Variants in ZDHHC14 observed in about 807,000 individuals in gnomAD.
The protein encoded by ZDHHC14 is palmitoyltransferase ZDHHC14.
A neutral mutation model predicts 47.7 loss-of-function variants in ZDHHC14; 16 were observed. The observed-to-expected ratio is 0.34, with a 90% confidence interval of 0.23 to 0.51. ZDHHC14 has a LOEUF of 0.51. Ranked by LOEUF, ZDHHC14 falls within the 20% of genes least tolerant of loss-of-function variation. The probability of loss-of-function intolerance (pLI) is 0.97; values close to 1 mark genes in which losing one functional copy is unlikely to be tolerated. For synonymous variants in ZDHHC14, 293 were observed against 278.9 expected, an observed-to-expected ratio of 1.05 and a Z score of -0.50; for missense variants, 515 against 662.5, an observed-to-expected ratio of 0.78 and a Z score of 2.44.
chr6:157,413,374 G>A (rs1392286884), intron 1 of ZDHHC14, among the ~76,000 whole-genome samples: 2 of 152,108 alleles, frequency 1.3e-5, no homozygotes, highest in South Asian at 2.1e-4. Context: ...AGCTGTTCTC[G>A]TCTCCTCGCC....
chr6:157,532,323 T>C (rs1255808694), intron 1 of ZDHHC14, among the ~76,000 whole-genome samples: 3 of 152,262 alleles, frequency 2.0e-5, no homozygotes, highest in Non-Finnish European at 4.4e-5. Context: ...AGCAATTCAT[T>C]GCCAAACAGT....
intron 1 of ZDHHC14, among the ~76,000 whole-genome samples, chr6:157,512,850 A>G (rs1780543154): frequency 6.6e-6 from 1 of 152,228 alleles, no homozygotes; most frequent in African/African-American, 2.4e-5. Context: ...TCATTATTTG[A>G]GAAATTATTT....
chr6:157,673,031 A>G lies in ZDHHC14; in HGVS notation c.1376A>G (p.His459Arg). ...RLLAAGSPLAHSRTMHVLGLA... is the reference protein window; with the variant it reads ...RLLAAGSPLARSRTMHVLGLA... ...CTGGCGGCGGGCAGCCCCCTGGCGC[A>G]CAGCCGCACCATGCACGTGCTGGGC... Residue 459 changes from histidine (H) to arginine (R), a missense_variant, in exon 9 of 9, where the codon CAC becomes CGC. Around this residue, in one of 4 missense-constraint regions of ZDHHC14, gnomAD observed 221 missense variants for 233.6 expected, o/e 0.95. Transcript: ENST00000359775. The surrounding 1 kb of genome is among the most constrained non-coding windows in gnomAD (Gnocchi z 5.4). 1 of 1,565,168 alleles carries G rather than the reference A, an allele frequency of 6.4e-7. No individual in the cohort carries two copies.
intron 2 of ZDHHC14, among the ~76,000 whole-genome samples, chr6:157,545,804 C>G (rs1237979389): frequency 6.6e-6 from 1 of 152,106 alleles, no homozygotes; most frequent in Non-Finnish European, 1.5e-5. Flanking sequence ...CCTGGCTCAC[C>G]CTTTCTCTAG....
chr6:157,390,372 A>G (rs2114734450), intron 1 of ZDHHC14, among the ~76,000 whole-genome samples: 2 of 152,196 alleles, frequency 1.3e-5, no homozygotes, highest in South Asian at 4.1e-4. Context: ...ATGCCTATGT[A>G]TGGTTTTCTT....
chr6:157,507,358 A>G (rs1216887305), intron 1 of ZDHHC14, among the ~76,000 whole-genome samples: 1 of 149,588 alleles, frequency 6.7e-6, no homozygotes, highest in Non-Finnish European at 1.5e-5. Context: ...ATCTTGGCTC[A>G]CTACAACCTC....
intron 2 of ZDHHC14, among the ~76,000 whole-genome samples, chr6:157,550,773 C>T (rs1782198465): frequency 6.6e-6 from 1 of 152,234 alleles, no homozygotes; most frequent in African/African-American, 2.4e-5. Flanking sequence ...ATACCACTTC[C>T]TTTCAGGTAA....
rs549397604 is a variant in ZDHHC14, at chr6:157,652,830, T to TG, written c.966-689dup. On this transcript the variant is annotated intron_variant, in intron 7 of 8. Coordinates refer to ENST00000359775, the MANE Select transcript of ZDHHC14 (RefSeq NM_024630.3). ...GTGCCAGGCACAGGGCCAGGTACCA[T>TG]GGGGGGCCACAAGATGAAGACTCTG... 2.2e-4 allele frequency among the ~76,000 whole-genome samples: 34 copies of TG among 152,178 alleles called. 1 individual carries two copies. The East Asian group carries it at 5.2e-3, about 23-fold the overall frequency.
chr6:157,456,874 G>A (rs538655995), intron 1 of ZDHHC14, among the ~76,000 whole-genome samples: 2 of 152,168 alleles, frequency 1.3e-5, no homozygotes, highest in African/African-American at 2.4e-5. Context: ...TGGGCCGGGC[G>A]TGGTGGCTCA....
intron 1 of ZDHHC14, among the ~76,000 whole-genome samples, chr6:157,535,053 CT>C (rs1296343029): frequency 6.6e-6 from 1 of 152,166 alleles, no homozygotes; most frequent in African/African-American, 2.4e-5. Context: ...GGTCCTGTAT[CT>C]TAAGTAGACC....
At chr6:157,556,565 G>A (rs1453964751) in intron 2 of ZDHHC14, among the ~76,000 whole-genome samples, 6 of 152,342 alleles carry the variant, frequency 3.9e-5, no homozygotes, top group East Asian at 3.9e-4. Context: ...GCCAGCAGGC[G>A]GAACGGGTCT....
chr6:157,530,716 A>G (rs1425143266), intron 1 of ZDHHC14, among the ~76,000 whole-genome samples: 2 of 151,956 alleles, frequency 1.3e-5, no homozygotes, highest in Admixed American at 1.3e-4. Flanking sequence ...CATAATTATT[A>G]TGTACTATTT....
chr6:157,471,988 G>T (rs1212185934), intron 1 of ZDHHC14, among the ~76,000 whole-genome samples: 2 of 152,168 alleles, frequency 1.3e-5, no homozygotes, highest in Non-Finnish European at 2.9e-5. Flanking sequence ...CCAATAGTGC[G>T]CACCCACATA....
chr6:157,473,036 C>T (rs1779390355), intron 1 of ZDHHC14, among the ~76,000 whole-genome samples: 1 of 152,184 alleles, frequency 6.6e-6, no homozygotes, highest in Non-Finnish European at 1.5e-5. Flanking sequence ...GTAGTAGTCA[C>T]ATTTTAATGA....
At chr6:157,525,397 C>G (rs1781120515) in intron 1 of ZDHHC14, among the ~76,000 whole-genome samples, 1 of 152,064 alleles carries the variant, frequency 6.6e-6, no homozygotes, top group African/African-American at 2.4e-5. Flanking sequence ...AACTCCTGGG[C>G]TCCAGTGATC....
At chr6:157,415,167 A>G (rs1777949230) in intron 1 of ZDHHC14, among the ~76,000 whole-genome samples, 1 of 152,174 alleles carries the variant, frequency 6.6e-6, no homozygotes, top group African/African-American at 2.4e-5. Context: ...TGAATAAACC[A>G]TTGAATGACT....
At chr6:157,454,770 T>C (rs1778875967) in intron 1 of ZDHHC14, among the ~76,000 whole-genome samples, 1 of 152,218 alleles carries the variant, frequency 6.6e-6, no homozygotes, top group Non-Finnish European at 1.5e-5. Context: ...AAAATTTTGA[T>C]AGTTTCTGCC....
chr6:157,538,268 A>G (rs4709365), intron 1 of ZDHHC14, among the ~76,000 whole-genome samples: 92,073 of 151,806 alleles, frequency 0.61, 29,272 homozygotes, highest in African/African-American at 0.82. Flanking sequence ...GAAGGTGAAC[A>G]TGAGGCACAC....
intron 1 of ZDHHC14, among the ~76,000 whole-genome samples, chr6:157,445,855 T>C (rs192755568): frequency 1.3e-5 from 2 of 152,292 alleles, no homozygotes; most frequent in East Asian, 3.9e-4. Context: ...TTAGTAGTTA[T>C]GAAACCGAGG....
Sources: allele counts gnomAD v4.1 joint callset (sites outside exome capture counted in the v4.1 genomes callset), GRCh38; gene constraint gnomAD v4.1.1; regional missense constraint gnomAD v4.1.1; non-coding constraint Gnocchi (gnomAD v3.1); transcripts MANE v1.5; gene names NCBI Gene and HGNC (gene_info 2026-07-23, HGNC 2026-07-21).